MSRA: variants seen among roughly 807,000 people sequenced by gnomAD.
MSRA encodes methionine sulfoxide reductase A.
Under a neutral mutation model 31.3 loss-of-function variants are expected in MSRA, and 54 were observed. The ratio of observed to expected loss-of-function variants is 1.73; its 90% CI spans 1.39 to 2.17. MSRA has a LOEUF of 2.17. Among genes scored for constraint, MSRA ranks in the 30% most tolerant of loss-of-function variants. MSRA has a pLI of 0.00. For missense variants in MSRA, 507 were observed against 300.9 expected (o/e 1.69, Z -5.07); for synonymous variants, 169 against 116.5 (o/e 1.45, Z -2.90).
At chr8:10,188,559 A>G (rs1227625849) in intron 1 of MSRA, among the ~76,000 whole-genome samples, 1 of 152,210 alleles carries the variant, frequency 6.6e-6, no homozygotes, top group African/African-American at 2.4e-5. Context: ...TATAGCTACG[A>G]TCCATTTAAA....
intron 5 of MSRA, among the ~76,000 whole-genome samples, chr8:10,322,685 C>T (rs1041856678): frequency 5.9e-5 from 9 of 152,128 alleles, no homozygotes; most frequent in African/African-American, 9.7e-5. Flanking sequence ...GGGCCTAGCA[C>T]ATGGTAAATA....
At chr8:10,141,228 T>C (rs1037970230) in intron 1 of MSRA, among the ~76,000 whole-genome samples, 1 of 152,118 alleles carries the variant, frequency 6.6e-6, no homozygotes, top group Non-Finnish European at 1.5e-5. Context: ...CCAGGCCTGG[T>C]TCTGTGTGCC....
rs966350980 is a variant in MSRA at position 10,196,732 on chromosome 8, A to T, written c.143-11101A>T. On this transcript the variant is annotated intron_variant, in intron 1 of 5. Transcript: ENST00000317173. The stretch of plus-strand genomic sequence containing the variant: ...GCCCGGCTAATTTTTTTTTATTTTT[A>T]ATTTTTTTTTTTAATTTTTAGTAGA... Among the ~76,000 whole-genome samples the T allele has an allele frequency of 3.3e-5, 5 of 150,242 alleles. No homozygotes were observed. The South Asian group carries it at 6.3e-4, about 19-fold the overall frequency.
At chr8:10,240,720 G>A (rs13263482) in intron 2 of MSRA, among the ~76,000 whole-genome samples, 43,258 of 152,012 alleles carry the variant, frequency 0.28, 7,977 homozygotes, top group Non-Finnish European at 0.43. Context: ...CAGTTGGGAG[G>A]ATTTTTCCCT....
intron 3 of MSRA, among the ~76,000 whole-genome samples, chr8:10,286,792 G>A (rs556764175): frequency 1.6e-4 from 25 of 152,340 alleles, no homozygotes; most frequent in African/African-American, 4.1e-4. Context: ...TGAATTCCTG[G>A]CCTGTCCAGC....
chr8:10,087,029 C>T (rs1175528679), intron 1 of MSRA, among the ~76,000 whole-genome samples: 1 of 151,966 alleles, frequency 6.6e-6, no homozygotes, highest in Non-Finnish European at 1.5e-5. Context: ...TCTATGACAC[C>T]AGGGAGGCAA....
chr8:10,165,425 T>C (rs1329295366), intron 1 of MSRA, among the ~76,000 whole-genome samples: 1 of 152,174 alleles, frequency 6.6e-6, no homozygotes, highest in Non-Finnish European at 1.5e-5. Context: ...AGAACAGAAC[T>C]TTGGAACTGC....
At chr8:10,260,931 T>TA (rs1221834601) in intron 3 of MSRA, among the ~76,000 whole-genome samples, 1 of 152,260 alleles carries the variant, frequency 6.6e-6, no homozygotes, top group Non-Finnish European at 1.5e-5. Flanking sequence ...AAATAAATTT[T>TA]CTAAACACTG....
chr8:10,284,906 T>A (rs1353608730), intron 3 of MSRA, among the ~76,000 whole-genome samples: 1 of 152,122 alleles, frequency 6.6e-6, no homozygotes, highest in Admixed American at 6.6e-5. Context: ...ACTATTATTA[T>A]CAAATGATCT....
At chr8:10,336,662 C>G (rs1408422886) in intron 5 of MSRA, 1 of 152,060 alleles carries the variant, frequency 6.6e-6, no homozygotes, top group Non-Finnish European at 1.5e-5. Flanking sequence ...TCTGTGTAGC[C>G]TTTTGATGTA....
intron 4 of MSRA, among the ~76,000 whole-genome samples, chr8:10,309,341 G>A (rs992510908): frequency 2.0e-5 from 3 of 152,244 alleles, no homozygotes; most frequent in Non-Finnish European, 2.9e-5. Context: ...AGAGCGTGGC[G>A]CCTGGTGCGG....
chr8:10,296,079 T>A (rs1430374110), intron 3 of MSRA, among the ~76,000 whole-genome samples: 2 of 152,174 alleles, frequency 1.3e-5, no homozygotes, highest in South Asian at 2.1e-4. Flanking sequence ...TGCCACTTCA[T>A]CAAAAGAGTG....
At position 10,198,392 on chromosome 8, in the gene MSRA, A is replaced by C. The variant is rs1391317715; in HGVS notation, c.143-9441A>C. Among the ~76,000 whole-genome samples, 4 of 152,244 alleles carry C rather than the reference A, an allele frequency of 2.6e-5. No homozygotes were observed. The East Asian group carries it at 7.7e-4, about 29-fold the overall frequency. On this transcript the variant is annotated intron_variant, in intron 1 of 5. Coordinates refer to ENST00000317173, the MANE Select transcript of MSRA (RefSeq NM_012331.5). ...TATTATTTCCTGATGCCAGGAAAAA[A>C]GTACTCATGGTCATACTTTAAAAGT...
At position 10,054,295 on chromosome 8, in the gene MSRA, C is replaced by T; in HGVS notation, c.-222C>T. On this transcript the variant is annotated 5_prime_UTR_variant, in exon 1 of 6. Coordinates refer to ENST00000317173, the MANE Select transcript of MSRA (RefSeq NM_012331.5). ...AACTCGCCGGGCCACACCCCCTGTCCAGGGAAGGAACACGCCCCCGGTGAC... is the reference window on the plus strand; with the variant it reads ...AACTCGCCGGGCCACACCCCCTGTCTAGGGAAGGAACACGCCCCCGGTGAC... The T allele has an allele frequency of 2.8e-6, 1 of 352,502 alleles. No homozygotes were observed. Among genetic ancestry groups the T allele is most frequent in the African/African-American group, 2.2e-5 (1 of 46,288 alleles). 21.8% of individuals were successfully genotyped at this position (352,502 alleles called of 1,614,324 possible).
chr8:10,124,299 G>C (rs770111437), intron 1 of MSRA, among the ~76,000 whole-genome samples: 4 of 152,216 alleles, frequency 2.6e-5, no homozygotes, highest in African/African-American at 9.6e-5. Context: ...GAGAGAGGCT[G>C]AGGAGTGAGT....
chr8:10,338,901 T>A (rs1487053351), intron 5 of MSRA, among the ~76,000 whole-genome samples: 3 of 152,132 alleles, frequency 2.0e-5, no homozygotes, highest in African/African-American at 7.2e-5. Context: ...CGGGCAAAGG[T>A]TATAATCCAG....
At chr8:10,407,942 A>G (rs1188709220) in intron 5 of MSRA, among the ~76,000 whole-genome samples, 7 of 152,222 alleles carry the variant, frequency 4.6e-5, no homozygotes, top group Admixed American at 2.6e-4. Flanking sequence ...CTGGAGATGC[A>G]CCGAATCTTT....
At chr8:10,132,637 A>G (rs1325057399) in intron 1 of MSRA, among the ~76,000 whole-genome samples, 2 of 152,188 alleles carry the variant, frequency 1.3e-5, no homozygotes, top group African/African-American at 2.4e-5. Flanking sequence ...CTGTCCTATA[A>G]GGGCACTAAT....
intron 1 of MSRA, among the ~76,000 whole-genome samples, chr8:10,140,705 A>G (rs1313829601): frequency 6.6e-6 from 1 of 152,228 alleles, no homozygotes; most frequent in African/African-American, 2.4e-5. Flanking sequence ...AGTGCACAGG[A>G]AAAATGAGTC....
Sources: allele counts gnomAD v4.1 joint callset (sites outside exome capture counted in the v4.1 genomes callset), GRCh38; gene constraint gnomAD v4.1.1; transcripts MANE v1.5; gene names NCBI Gene and HGNC (gene_info 2026-07-23, HGNC 2026-07-21).